ATP7A: variants seen among roughly 807,000 people sequenced by gnomAD.
ATP7A encodes copper-transporting ATPase 1.
ATP7A carries 7 observed loss-of-function variants against 83.5 expected under a neutral mutation model. The observed-to-expected ratio is 0.08, with a 90% CI of 0.05 to 0.16. The LOEUF is 0.16. Ranked by LOEUF, ATP7A falls within the 10% of genes least tolerant of loss-of-function variation. The pLI, the probability that ATP7A is intolerant of heterozygous loss-of-function variation, is 1.00. For missense variants in ATP7A, 940 were observed against 1,120.8 expected, an observed-to-expected ratio of 0.84 and a Z score of 2.30; for synonymous variants, 354 against 395.2, an observed-to-expected ratio of 0.90 and a Z score of 1.24.
At chrX:78,020,551 T>C (rs1047251395) in intron 13 of ATP7A, among the ~76,000 whole-genome samples, 153 bp downstream of exon 13, 5 of 112,023 alleles carry the variant, frequency 4.5e-5, no homozygotes, top group Admixed American at 9.5e-5. Context: ...CTCACTCTGT[T>C]GCACAGGCTG....
intron 21 of ATP7A, among the ~76,000 whole-genome samples, chrX:78,044,029 C>T (rs7885672): frequency 4.7e-5 from 5 of 106,234 alleles, no homozygotes; most frequent in South Asian, 4.3e-4. Flanking sequence ...CTGAGGTGGG[C>T]GGATCACCTG....
intron 14 of ATP7A, among the ~76,000 whole-genome samples, chrX:78,025,465 A>G (rs2077936708): frequency 8.9e-6 from 1 of 111,902 alleles, no homozygotes; most frequent in African/African-American, 3.2e-5. Context: ...TTGGAATCCA[A>G]TGTAAAGAAA....
chrX:77,969,906 A>G (rs1557229426), intron 1 of ATP7A, among the ~76,000 whole-genome samples: 1 of 112,039 alleles, frequency 8.9e-6, no homozygotes, highest in Non-Finnish European at 1.9e-5. Flanking sequence ...GTATTACTTA[A>G]TTATTGCAGT....
intron 17 of ATP7A, 46 bp downstream of exon 17, chrX:78,033,867 C>T (rs1418687149): frequency 1.8e-6 from 2 of 1,110,561 alleles, no homozygotes; most frequent in Middle Eastern, 3.4e-4. Context: ...CAGTTATGAA[C>T]AGATGGCTAA....
At chrX:77,955,630 T>C (rs1020852250) in intron 1 of ATP7A, among the ~76,000 whole-genome samples, 4 of 111,534 alleles carry the variant, frequency 3.6e-5, no homozygotes, top group Non-Finnish European at 7.5e-5. Flanking sequence ...CTCATACATT[T>C]ATCAGTGCTT....
intron 4 of ATP7A, among the ~76,000 whole-genome samples, chrX:77,992,854 T>C (rs782538760): frequency 8.9e-6 from 1 of 112,276 alleles, no homozygotes; most frequent in African/African-American, 3.2e-5. Context: ...CCTCAGGTGA[T>C]CTGCCCGCCT....
chrX:77,923,729 T>A (rs1214917348), intron 1 of ATP7A: 1 of 110,789 alleles, frequency 9.0e-6, no homozygotes, highest in Non-Finnish European at 1.9e-5. Context: ...AGACAGAGGA[T>A]GTTAATAAGT....
chrX:78,031,969 A>C, intron 16 of ATP7A, among the ~76,000 whole-genome samples: 1 of 112,298 alleles, frequency 8.9e-6, no homozygotes, highest in East Asian at 2.8e-4. Flanking sequence ...TTTTAAAATG[A>C]CAGCTTTATT....
chrX:77,971,162 G>T (rs782053935), intron 1 of ATP7A, among the ~76,000 whole-genome samples: 9 of 111,968 alleles, frequency 8.0e-5, no homozygotes, highest in South Asian at 3.7e-4. Flanking sequence ...GCACAGAGAA[G>T]GGTTTGGTGA....
intron 1 of ATP7A, among the ~76,000 whole-genome samples, chrX:77,950,351 C>T (rs998898172): frequency 8.1e-5 from 9 of 111,745 alleles, no homozygotes; most frequent in Non-Finnish European, 1.5e-4. Context: ...AAGACGCTTG[C>T]GGTGGGGGCA....
chrX:78,036,255 A>T (rs987820375), intron 17 of ATP7A, among the ~76,000 whole-genome samples: 3 of 111,058 alleles, frequency 2.7e-5, no homozygotes, highest in Admixed American at 9.6e-5. Flanking sequence ...GGGTGCTGGG[A>T]GTAGTGGGTT....
intron 1 of ATP7A, among the ~76,000 whole-genome samples, chrX:77,945,237 G>C (rs1417399503): frequency 9.0e-6 from 1 of 111,577 alleles, no homozygotes; most frequent in Non-Finnish European, 1.9e-5. Flanking sequence ...GAGTGCAGTG[G>C]TGACATTTTG....
At chrX:77,984,792 T>G (rs1002739051) in intron 2 of ATP7A, among the ~76,000 whole-genome samples, 1 of 112,031 alleles carries the variant, frequency 8.9e-6, no homozygotes, top group Non-Finnish European at 1.9e-5. Context: ...CAAAGTTGAG[T>G]GCTGTTACCC....
At chrX:77,932,345 A>G (rs1445118403) in intron 1 of ATP7A, among the ~76,000 whole-genome samples, 9 of 78,454 alleles carry the variant, frequency 1.1e-4, no homozygotes, top group East Asian at 4.5e-4. Context: ...CCTAGATGGG[A>G]TGGCGGCCGG....
At chrX:78,002,123 G>A (rs781916554) in intron 5 of ATP7A, among the ~76,000 whole-genome samples, 1 of 106,101 alleles carries the variant, frequency 9.4e-6, no homozygotes, top group Non-Finnish European at 1.9e-5. Context: ...ATGGTGCATT[G>A]CAGTGGCATG....
chrX:77,942,725 G>A (rs2077358222), intron 1 of ATP7A, among the ~76,000 whole-genome samples: 1 of 111,746 alleles, frequency 8.9e-6, no homozygotes, highest in Non-Finnish European at 1.9e-5. Context: ...TGGGATTACA[G>A]GCATGAGCCA....
intron 17 of ATP7A, among the ~76,000 whole-genome samples, chrX:78,037,788 G>A (rs2078022453): frequency 9.1e-6 from 1 of 109,793 alleles, no homozygotes; most frequent in Non-Finnish European, 1.9e-5. Flanking sequence ...AAAGGTCACT[G>A]GCTGTAATAA....
intron 21 of ATP7A, among the ~76,000 whole-genome samples, chrX:78,043,903 C>A (rs2078066331): frequency 9.4e-6 from 1 of 106,014 alleles, no homozygotes; most frequent in African/African-American, 3.4e-5. Context: ...GGTAATCCAC[C>A]CACCTCGGCC....
At chrX:77,980,470 A>G (rs1375249400) in intron 2 of ATP7A, among the ~76,000 whole-genome samples, 2 of 110,084 alleles carry the variant, frequency 1.8e-5, no homozygotes, top group African/African-American at 6.6e-5. Flanking sequence ...AAAATAAAAT[A>G]AAAATGACCA....
Sources: gnomAD v4.1 joint callset for allele counts (sites outside exome capture counted in the v4.1 genomes callset) on GRCh38, gnomAD v4.1.1 for gene constraint, MANE v1.5 for transcripts, NCBI Gene and HGNC (gene_info 2026-07-23, HGNC 2026-07-21) for gene names.